The following TSC22D3 variants were observed in gnomAD, a reference collection of about 807,000 sequenced individuals.
TSC22D3 encodes the protein TSC22 domain family protein 3.
Under a neutral mutation model 11.1 loss-of-function variants are expected in TSC22D3, and 4 were observed. That is an observed-to-expected ratio of 0.36 (90% CI 0.18 to 0.83). The LOEUF is 0.83. TSC22D3 is among the 40% of genes least tolerant of loss of function. TSC22D3 has a pLI of 0.48. For missense variants in TSC22D3, 118 were observed against 159.4 expected (o/e 0.74, Z 1.40); for synonymous variants, 77 against 70.3 (o/e 1.10, Z -0.48).
At chrX:107,741,151 A>G (rs7878716) in intron 1 of TSC22D3, among the ~76,000 whole-genome samples, 3,177 of 111,886 alleles carry the variant, frequency 0.028, 123 homozygotes, top group African/African-American at 0.097. Context: ...CAGCACTGCC[A>G]CTCACAGAAC....
chrX:107,727,734 CCTT>C (rs950152946), intron 1 of TSC22D3, among the ~76,000 whole-genome samples: 2 of 112,233 alleles, frequency 1.8e-5, no homozygotes, highest in Non-Finnish European at 3.8e-5. Context: ...GTCTTTCTAA[CCTT>C]CTGTCCAGTT....
chrX:107,718,923 A>G (rs952288854), intron 1 of TSC22D3, among the ~76,000 whole-genome samples: 1 of 104,546 alleles, frequency 9.6e-6, no homozygotes, highest in Non-Finnish European at 2.0e-5. Context: ...AACATTCACT[A>G]AAAAAAAAAA....
chrX:107,722,647 C>T (rs1927399019), intron 1 of TSC22D3, among the ~76,000 whole-genome samples: 1 of 111,509 alleles, frequency 9.0e-6, no homozygotes, highest in Non-Finnish European at 1.9e-5. Context: ...TCTCCCTTCC[C>T]CTTATGCCTT....
chrX:107,771,335 A>C (rs1174618402), intron 1 of TSC22D3, among the ~76,000 whole-genome samples: 1 of 112,415 alleles, frequency 8.9e-6, no homozygotes, highest in Non-Finnish European at 1.9e-5. Flanking sequence ...CTGTAATCCC[A>C]GCACCTTGGG....
At chrX:107,731,190 A>C (rs1396851340) in intron 1 of TSC22D3, among the ~76,000 whole-genome samples, 1 of 112,334 alleles carries the variant, frequency 8.9e-6, no homozygotes, top group Non-Finnish European at 1.9e-5. Context: ...ATTGCTTATC[A>C]GTGATGTTCA....
chrX:107,719,916 T>C (rs1927239981), intron 1 of TSC22D3, among the ~76,000 whole-genome samples: 1 of 111,656 alleles, frequency 9.0e-6, no homozygotes, highest in African/African-American at 3.3e-5. Flanking sequence ...CTCAACCACA[T>C]CATTCCAAAA....
At chrX:107,745,809 A>G (rs997144816) in intron 1 of TSC22D3, among the ~76,000 whole-genome samples, 3 of 112,405 alleles carry the variant, frequency 2.7e-5, no homozygotes, top group African/African-American at 9.7e-5. Context: ...ACTTTAGTTT[A>G]TTACAGTTAT....
intron 1 of TSC22D3, among the ~76,000 whole-genome samples, chrX:107,732,927 G>A (rs1346601691): frequency 1.2e-4 from 13 of 109,909 alleles, no homozygotes; most frequent in African/African-American, 4.3e-4. Context: ...ACGAAACGCC[G>A]TCTGTACAAA....
At chrX:107,757,369 A>G (rs1350235938) in intron 1 of TSC22D3, among the ~76,000 whole-genome samples, 2 of 111,660 alleles carry the variant, frequency 1.8e-5, no homozygotes, top group African/African-American at 3.3e-5. Context: ...GCTCTGAGGG[A>G]GGCAGGGCTG....
Position 107,713,821 on chromosome X carries a change from T to C in TSC22D3, c.*698A>G, listed in dbSNP as rs1926859718. 1 of 112,891 alleles carries C rather than the reference T, an allele frequency of 8.9e-6. No homozygotes were observed. Among genetic ancestry groups the C allele is most frequent in the South Asian group, 3.6e-4 (1 of 2,782 alleles). 9.3% of individuals were successfully genotyped at this position (112,891 alleles called of 1,213,427 possible). A position where few individuals can be genotyped will look rare whatever the true frequency, so the allele number is the denominator to read the frequency against. On this transcript the variant is annotated 3_prime_UTR_variant, in exon 3 of 3. Transcript: ENST00000372383. ...AGGCCCTTCAACATGTAGGTGGATG[T>C]GTATATGTATACATCGCTACACTAA...
chrX:107,769,856 G>A (rs1006134779), intron 1 of TSC22D3, among the ~76,000 whole-genome samples: 4 of 111,296 alleles, frequency 3.6e-5, no homozygotes, highest in African/African-American at 1.3e-4. Flanking sequence ...CAAAAACACA[G>A]TTTCTTACCA....
chrX:107,713,391 A>G lies in TSC22D3; in HGVS notation c.*1128T>C, dbSNP rs1305337814. 8.9e-6 allele frequency: 1 copy of G among 112,485 alleles called. No homozygotes were observed. Among genetic ancestry groups the G allele is most frequent in the East Asian group, 2.8e-4 (1 of 3,604 alleles). 9.3% of individuals were successfully genotyped at this position (112,485 alleles called of 1,213,427 possible). A position where few individuals can be genotyped will look rare whatever the true frequency, so the allele number is the denominator to read the frequency against. Reference sequence around the variant, plus strand: ...TTTCTGGGCACACCTCCCAGGCTCCATTGGATCAAAGCCATCCCCTTGTTC... The same window carrying G: ...TTTCTGGGCACACCTCCCAGGCTCCGTTGGATCAAAGCCATCCCCTTGTTC... On this transcript the variant is annotated 3_prime_UTR_variant, in exon 3 of 3. Transcript: ENST00000372383.
chrX:107,751,291 T>C lies in TSC22D3; in HGVS notation c.320+23809A>G, dbSNP rs1419088413. ...CAATGGGACCATCTCGGAAAATGTG[T>C]TGGATGAGAGAATCACTTGGCGAGG... On this transcript the variant is annotated intron_variant, in intron 1 of 2. Transcript: ENST00000372383. Among the ~76,000 whole-genome samples, 8 of 111,715 alleles carry C rather than the reference T, an allele frequency of 7.2e-5. No individual in the cohort carries two copies. In the Admixed American group the frequency reaches 7.6e-4, roughly 11 times the overall value.
chrX:107,756,577 C>T (rs1929187602), intron 1 of TSC22D3, among the ~76,000 whole-genome samples: 2 of 112,268 alleles, frequency 1.8e-5, no homozygotes, highest in Admixed American at 9.4e-5. Flanking sequence ...GGGCTTTAGA[C>T]TGCTGCAAAT....
chrX:107,768,944 A>C (rs1295878334), intron 1 of TSC22D3, among the ~76,000 whole-genome samples: 1 of 112,841 alleles, frequency 8.9e-6, no homozygotes, highest in Non-Finnish European at 1.9e-5. Flanking sequence ...AGGCAGCACC[A>C]TCACTTTGCC....
chrX:107,772,159 G>A (rs961997101), intron 1 of TSC22D3, among the ~76,000 whole-genome samples: 2 of 111,533 alleles, frequency 1.8e-5, no homozygotes, highest in Admixed American at 9.5e-5. Flanking sequence ...AGACAAACCA[G>A]ATGTAAATCA....
chrX:107,760,576 C>T (rs1259271481), intron 1 of TSC22D3, among the ~76,000 whole-genome samples: 1 of 112,205 alleles, frequency 8.9e-6, no homozygotes, highest in Admixed American at 9.4e-5. Context: ...AGTTCTGAGC[C>T]TCTGTGTCTC....
intron 1 of TSC22D3, chrX:107,717,226 T>C (rs1927096342): frequency 3.4e-6 from 1 of 291,946 alleles, no homozygotes; most frequent in African/African-American, 2.9e-5. Flanking sequence ...CACTTTCTTG[T>C]ACCAACTGGC....
chrX:107,716,485 C>T (rs1432167336), intron 1 of TSC22D3: 4 of 1,003,032 alleles, frequency 4.0e-6, no homozygotes, highest in Non-Finnish European at 5.0e-6. Flanking sequence ...CACGGCGCAG[C>T]GGCCGCAGGG....
Sources: allele counts gnomAD v4.1 joint callset (sites outside exome capture counted in the v4.1 genomes callset), GRCh38; gene constraint gnomAD v4.1.1; transcripts MANE v1.5; gene names NCBI Gene and HGNC (gene_info 2026-07-23, HGNC 2026-07-21).